RAB40C: variants seen among roughly 807,000 people sequenced by gnomAD.
The protein encoded by RAB40C is ras-related protein Rab-40C.
In RAB40C, 8 loss-of-function variants were observed where a neutral mutation model predicts 28.1. The observed-to-expected ratio is 0.28, with a 90% CI of 0.17 to 0.51. The LOEUF is 0.51. Among genes scored for constraint, RAB40C ranks in the 20% least tolerant of loss-of-function variants. The pLI is 0.97. For missense variants in RAB40C, 288 were observed against 405.9 expected, an observed-to-expected ratio of 0.71 and a Z score of 2.50; for synonymous variants, 201 against 171.7, an observed-to-expected ratio of 1.17 and a Z score of -1.34.
intron 3 of RAB40C, among the ~76,000 whole-genome samples, chr16:622,286 A>C (rs2036734881): frequency 6.6e-6 from 1 of 152,204 alleles, no homozygotes; most frequent in Non-Finnish European, 1.5e-5. Context: ...GAGCTGGCGC[A>C]GTACCAGTTC....
intron 3 of RAB40C, 170 bp from the exon 4 acceptor site, chr16:625,262 G>A: frequency 6.9e-7 from 1 of 1,451,016 alleles, no homozygotes; most frequent in Non-Finnish European, 9.1e-7. Context: ...GGGGTGAGGG[G>A]CAGGGCTGCA....
intron 5 of RAB40C, among the ~76,000 whole-genome samples, chr16:626,611 A>C (rs2036841298): frequency 6.6e-6 from 1 of 152,088 alleles, no homozygotes; most frequent in African/African-American, 2.4e-5. Flanking sequence ...CTGAACAGAG[A>C]GAGGGTGGCT....
At chr16:607,229 G>T (rs971184230) in intron 1 of RAB40C, among the ~76,000 whole-genome samples, 2 of 152,228 alleles carry the variant, frequency 1.3e-5, no homozygotes, top group African/African-American at 4.8e-5. Flanking sequence ...GGGCACGGTG[G>T]CTCAACCCTG....
chr16:592,870 G>A (rs888282719), intron 1 of RAB40C, among the ~76,000 whole-genome samples: 1 of 152,226 alleles, frequency 6.6e-6, no homozygotes, highest in African/African-American at 2.4e-5. Context: ...CCCCTTCGTC[G>A]GGCTGTGGGG....
intron 1 of RAB40C, among the ~76,000 whole-genome samples, chr16:592,008 T>A (rs2151056721): frequency 6.6e-6 from 1 of 152,214 alleles, no homozygotes; most frequent in South Asian, 2.1e-4. Flanking sequence ...ACAGAGTGAG[T>A]GAGACGGTGT....
At chr16:621,527 C>A (rs544283222) in intron 3 of RAB40C, among the ~76,000 whole-genome samples, 23 of 152,256 alleles carry the variant, frequency 1.5e-4, no homozygotes, top group Non-Finnish European at 2.4e-4. Context: ...AGCAGTCCCG[C>A]GGCTCTTCCC....
intron 1 of RAB40C, among the ~76,000 whole-genome samples, chr16:604,449 T>A (rs557572376): frequency 2.6e-5 from 4 of 151,834 alleles, no homozygotes; most frequent in African/African-American, 9.7e-5. Context: ...CTAGAATATA[T>A]GTGAGTCCTT....
chr16:590,384 G>T lies in RAB40C; in HGVS notation c.93G>T (p.Leu31=). ...GCGACGTGGGCAAGGGCGAGATCCT[G>T]GAGAGCCTGCAGGACGGCGCGGCAG... The part of the protein sequence containing the change: ...GDSDVGKGEI[L]ESLQDGAAES... Residue 31 remains leucine (L), a synonymous_variant, in exon 1 of 6, where the codon CTG becomes CTT. Coordinates refer to ENST00000248139, the MANE Select transcript of RAB40C (RefSeq NM_021168.5). 6.3e-7 allele frequency: 1 copy of T among 1,597,258 alleles called. No individual in the cohort carries two copies. The highest frequency in any genetic ancestry group is 2.3e-5 in the East Asian group (1 of 43,144).
intron 4 of RAB40C, 119 bp downstream of exon 4, chr16:625,628 G>A: frequency 9.1e-7 from 1 of 1,096,068 alleles, no homozygotes; most frequent in Non-Finnish European, 1.3e-6. Flanking sequence ...TCTGCACCCT[G>A]CACTGTCCCA....
rs12149200 is a variant in RAB40C at position 628,430 on chromosome 16, C to T, written c.*808C>T. 5,507 of 152,362 alleles carry T rather than the reference C, an allele frequency of 0.036. 149 individuals carry two copies. The highest frequency in any genetic ancestry group is 0.068 in the Middle Eastern group (20 of 294). 9.4% of individuals were successfully genotyped at this position (152,362 alleles called of 1,614,324 possible). A position where few individuals can be genotyped will look rare whatever the true frequency, so the allele number is the denominator to read the frequency against. On this transcript the variant is annotated 3_prime_UTR_variant, in exon 6 of 6. Coordinates refer to ENST00000248139, the MANE Select transcript of RAB40C (RefSeq NM_021168.5). The stretch of plus-strand genomic sequence containing the variant: ...AGACTTAGGAATACTTGATGGGCAG[C>T]GGTGCAGACCCCGGGCACCTGCGTG...
chr16:594,860 C>T (rs4984671), intron 1 of RAB40C, among the ~76,000 whole-genome samples: 34,144 of 148,754 alleles, frequency 0.23, 4,612 homozygotes, highest in East Asian at 0.59. Context: ...TACTCTCTTG[C>T]GCAGGCTGGA....
intron 3 of RAB40C, 54 bp from the exon 4 acceptor site, chr16:625,378 T>C: frequency 6.3e-7 from 1 of 1,592,784 alleles, no homozygotes; most frequent in South Asian, 1.1e-5. Flanking sequence ...TCCCTGGGCC[T>C]GGGCTGGCCA....
At position 628,969 on chromosome 16, in the gene RAB40C, A is replaced by T. The variant is rs960559662; in HGVS notation, c.*1347A>T. ...ACTCGCCCCATGGCCCGTTCCTGGG[A>T]GATGAGGGCCGTGGCCTGCATGAAC... On this transcript the variant is annotated 3_prime_UTR_variant, in exon 6 of 6. Coordinates refer to ENST00000248139, the MANE Select transcript of RAB40C (RefSeq NM_021168.5). The T allele has an allele frequency of 2.6e-5, 4 of 153,734 alleles. No homozygotes were observed. The highest frequency in any genetic ancestry group is 1.3e-4 in the Admixed American group (2 of 15,472). The allele number at this position is 153,734 out of a possible 1,614,324, so 9.5% of individuals were successfully genotyped here.
chr16:603,117 G>T (rs1403702836), intron 1 of RAB40C, among the ~76,000 whole-genome samples: 2 of 152,182 alleles, frequency 1.3e-5, no homozygotes, highest in Non-Finnish European at 2.9e-5. Context: ...TTAATGTTCT[G>T]TGTTTAGCCA....
chr16:594,026 G>T (rs750504812), intron 1 of RAB40C, among the ~76,000 whole-genome samples: 1 of 152,120 alleles, frequency 6.6e-6, no homozygotes, highest in East Asian at 1.9e-4. Context: ...TGGTGGGCCC[G>T]TGTTGGCCCC....
intron 3 of RAB40C, among the ~76,000 whole-genome samples, chr16:620,391 CA>C (rs58701150): frequency 1.3e-5 from 2 of 150,440 alleles, no homozygotes; most frequent in African/African-American, 4.9e-5. Context: ...AACTCCATCT[CA>C]AAAAAAAAGG....
chr16:610,001 G>A lies in RAB40C; in HGVS notation c.143-7207G>A, dbSNP rs1004430119. ...TTTTAGGAAACAGAATGGGTCCCAC[G>A]GGAGGGTGGGGATGTGAACGGCACC... On this transcript the variant is annotated intron_variant, in intron 1 of 5. Transcript: ENST00000248139. The surrounding 1 kb of genome is among the most constrained non-coding windows in gnomAD (Gnocchi z 4.6). Among the ~76,000 whole-genome samples the A allele has an allele frequency of 1.3e-5, 2 of 152,166 alleles. No homozygotes were observed. The highest frequency in any genetic ancestry group is 4.8e-5 in the African/African-American group (2 of 41,444).
Position 618,255 on chromosome 16 carries a change from G to A in RAB40C, c.259G>A (p.Ala87Thr), listed in dbSNP as rs2036630696. The A allele has an allele frequency of 1.2e-6, 2 of 1,612,826 alleles. No individual in the cohort carries two copies. The highest frequency in any genetic ancestry group is 1.3e-5 in the African/African-American group (1 of 74,866). ...CTIFRSYSRG[A>T]QGILLVYDIT... Reference sequence around the variant, plus strand: ...CATCTTCAGGTCCTACTCCAGGGGCGCTCAGGTAAGACCAGCACCGCTCTT... The same window carrying A: ...CATCTTCAGGTCCTACTCCAGGGGCACTCAGGTAAGACCAGCACCGCTCTT... Residue 87 changes from alanine (A) to threonine (T), a missense_variant, in exon 3 of 6, where the codon GCT becomes ACT. Ala to Thr is a moderately conservative substitution (Grantham distance 58). Coordinates refer to ENST00000248139, the MANE Select transcript of RAB40C (RefSeq NM_021168.5).
intron 1 of RAB40C, among the ~76,000 whole-genome samples, chr16:608,701 C>T (rs573129861): frequency 1.3e-5 from 2 of 152,272 alleles, no homozygotes; most frequent in South Asian, 4.2e-4. Flanking sequence ...GAAACCCCAT[C>T]TCTACAAAAA....
Sources: gnomAD v4.1 joint callset for allele counts (sites outside exome capture counted in the v4.1 genomes callset) on GRCh38, gnomAD v4.1.1 for gene constraint, Gnocchi (gnomAD v3.1) non-coding constraint, MANE v1.5 for transcripts, NCBI Gene and HGNC (gene_info 2026-07-23, HGNC 2026-07-21) for gene names.